The following LIPI variants were observed in gnomAD, a reference collection of about 807,000 sequenced individuals.
LIPI encodes lipase member I.
A neutral mutation model predicts 50.6 loss-of-function variants in LIPI; 59 were observed. The ratio of observed to expected loss-of-function variants is 1.16; its 90% confidence interval spans 0.94 to 1.45. The LOEUF (loss-of-function observed/expected upper bound fraction) is 1.45. Among genes scored for constraint, LIPI ranks in the 40% most tolerant of loss-of-function variants. The pLI is 0.00. For missense variants in LIPI, 586 were observed against 536.3 expected, an observed-to-expected ratio of 1.09 and a Z score of -0.92; for synonymous variants, 203 against 178.2, an observed-to-expected ratio of 1.14 and a Z score of -1.11.
chr21:14,210,495 A>T (rs940249282), intron 1 of LIPI, among the ~76,000 whole-genome samples: 3 of 150,058 alleles, frequency 2.0e-5, no homozygotes, highest in Non-Finnish European at 4.4e-5. Context: ...CCATTACTGA[A>T]TTTTTTTCTC....
At chr21:14,138,170 G>T (rs904433567) in intron 9 of LIPI, among the ~76,000 whole-genome samples, 12 of 151,814 alleles carry the variant, frequency 7.9e-5, no homozygotes, top group Admixed American at 2.0e-4. Context: ...ATTCATGTGA[G>T]AAATATGCAC....
chr21:14,157,430 A>G (rs2018311044), intron 7 of LIPI, among the ~76,000 whole-genome samples: 1 of 151,956 alleles, frequency 6.6e-6, no homozygotes, highest in Admixed American at 6.6e-5. Context: ...CCAATAATAG[A>G]GGCAGGATTG....
intron 1 of LIPI, among the ~76,000 whole-genome samples, chr21:14,192,577 A>G (rs901566596): frequency 2.0e-5 from 3 of 152,222 alleles, no homozygotes; most frequent in African/African-American, 7.2e-5. Context: ...ATTCAATTCT[A>G]CTAGATTTAG....
intron 9 of LIPI, among the ~76,000 whole-genome samples, chr21:14,135,076 C>A (rs996081839): frequency 1.2e-4 from 18 of 150,250 alleles, no homozygotes; most frequent in African/African-American, 4.4e-4. Context: ...CTATAAGTAA[C>A]TCAAACAGCT....
intron 1 of LIPI, among the ~76,000 whole-genome samples, chr21:14,199,571 G>T (rs1172575389): frequency 6.6e-6 from 1 of 151,002 alleles, no homozygotes; most frequent in African/African-American, 2.4e-5. Flanking sequence ...TACCAGTGAT[G>T]AGCTCTGAAA....
chr21:14,183,728 C>T (rs1319648695), intron 3 of LIPI, among the ~76,000 whole-genome samples: 3 of 152,130 alleles, frequency 2.0e-5, no homozygotes, highest in Admixed American at 6.5e-5. Context: ...TGAAAAAATG[C>T]TCATCATCAC....
At chr21:14,137,804 G>A (rs1400752537) in intron 9 of LIPI, among the ~76,000 whole-genome samples, 1 of 152,058 alleles carries the variant, frequency 6.6e-6, no homozygotes. Context: ...ACTACCTTGA[G>A]GCATTTAATA....
At chr21:14,200,611 G>A (rs366677) in intron 1 of LIPI, among the ~76,000 whole-genome samples, 21,602 of 151,784 alleles carry the variant, frequency 0.14, 1,965 homozygotes, top group South Asian at 0.21. Flanking sequence ...ATCAGAGATG[G>A]CACACAAAAA....
intron 8 of LIPI, among the ~76,000 whole-genome samples, chr21:14,146,031 T>C (rs914113): frequency 0.85 from 129,533 of 152,164 alleles, 55,664 homozygotes; most frequent in East Asian, 0.98. Flanking sequence ...AATTTTTCAG[T>C]GATAATTCAA....
At chr21:14,196,333 A>G (rs1209951910) in intron 1 of LIPI, among the ~76,000 whole-genome samples, 1 of 152,192 alleles carries the variant, frequency 6.6e-6, no homozygotes, top group Non-Finnish European at 1.5e-5. Context: ...CATATTTTAA[A>G]TTTTCATGTA....
rs554412004 is a variant in LIPI, at chr21:14,184,274, A to G, written c.541+1687T>C. ...TCTCACTCATAGGTGGGAATTGAAC[A>G]GTGAGAACACATGGACACAGGAAGG... On this transcript the variant is annotated intron_variant, in intron 3 of 9. Transcript: ENST00000681601. Among the ~76,000 whole-genome samples the G allele has an allele frequency of 1.1e-3, 162 of 152,226 alleles. 1 individual carries two copies. Among genetic ancestry groups the G allele is most frequent in the African/African-American group, 3.6e-3 (149 of 41,546 alleles).
At chr21:14,165,749 C>T (rs1028682432) in intron 5 of LIPI, among the ~76,000 whole-genome samples, 2 of 152,170 alleles carry the variant, frequency 1.3e-5, no homozygotes, top group African/African-American at 2.4e-5. Context: ...ACAAAGATGA[C>T]CATGAAACCA....
chr21:14,122,987 A>C (rs1600833697), intron 9 of LIPI, among the ~76,000 whole-genome samples: 1 of 152,232 alleles, frequency 6.6e-6, no homozygotes, highest in Non-Finnish European at 1.5e-5. Context: ...TTACTCAGCT[A>C]GCTGAAAGTA....
At chr21:14,113,152 A>G (rs2016481708) in intron 9 of LIPI, among the ~76,000 whole-genome samples, 1 of 152,266 alleles carries the variant, frequency 6.6e-6, no homozygotes, top group Non-Finnish European at 1.5e-5. Context: ...ATACAAAAAT[A>G]TAGAACATTC....
intron 1 of LIPI, among the ~76,000 whole-genome samples, chr21:14,208,145 T>C (rs1239603607): frequency 6.6e-6 from 1 of 152,150 alleles, no homozygotes; most frequent in Non-Finnish European, 1.5e-5. Context: ...AATGATTTTG[T>C]TGAGGCACTC....
At chr21:14,154,989 T>C (rs2018225237) in intron 7 of LIPI, among the ~76,000 whole-genome samples, 2 of 152,018 alleles carry the variant, frequency 1.3e-5, no homozygotes. Context: ...ATAAATTAGA[T>C]GCTGAGATTA....
chr21:14,116,070 C>G (rs912421572), intron 9 of LIPI, among the ~76,000 whole-genome samples: 1 of 151,952 alleles, frequency 6.6e-6, no homozygotes, highest in Non-Finnish European at 1.5e-5. Context: ...ACTCATTTCA[C>G]CTGATGAGGA....
chr21:14,162,189 C>A (rs1012857665), intron 7 of LIPI, among the ~76,000 whole-genome samples: 1 of 150,812 alleles, frequency 6.6e-6, no homozygotes, highest in Non-Finnish European at 1.5e-5. Flanking sequence ...CATGGATGAA[C>A]CTCCAGGGAA....
intron 7 of LIPI, among the ~76,000 whole-genome samples, chr21:14,161,891 T>C (rs1333665607): frequency 7.8e-6 from 1 of 128,640 alleles, no homozygotes; most frequent in East Asian, 2.3e-4. Flanking sequence ...ATTATATTAA[T>C]ATAATATAGA....
Sources: allele counts gnomAD v4.1 joint callset (sites outside exome capture counted in the v4.1 genomes callset), GRCh38; gene constraint gnomAD v4.1.1; transcripts MANE v1.5; gene names NCBI Gene and HGNC (gene_info 2026-07-23, HGNC 2026-07-21).